SH3RF1: variants seen among roughly 807,000 people sequenced by gnomAD.
SH3RF1 encodes E3 ubiquitin-protein ligase SH3RF1.
A neutral mutation model predicts 74.0 loss-of-function variants in SH3RF1; 32 were observed. That is an observed-to-expected ratio of 0.43 (90% CI 0.33 to 0.58). The LOEUF is 0.58. Among genes scored for constraint, SH3RF1 ranks in the 20% least tolerant of loss-of-function variants. SH3RF1 has a pLI of 0.05. For missense variants in SH3RF1, 954 were observed against 1,130.9 expected (o/e 0.84, Z 2.24); for synonymous variants, 396 against 439.6 (o/e 0.90, Z 1.24).
At chr4:169,261,417 C>T (rs1731276706) in intron 2 of SH3RF1, among the ~76,000 whole-genome samples, 1 of 152,030 alleles carries the variant, frequency 6.6e-6, no homozygotes. Flanking sequence ...ACATGAGGTC[C>T]CAGGGAAAAT....
chr4:169,174,849 A>G (rs546065595), intron 2 of SH3RF1, among the ~76,000 whole-genome samples: 2 of 124,834 alleles, frequency 1.6e-5, no homozygotes, highest in Admixed American at 1.6e-4. Flanking sequence ...AGCGCTAAGA[A>G]CTGTGGATCT....
At chr4:169,133,181 C>T (rs1405683338) in intron 5 of SH3RF1, among the ~76,000 whole-genome samples, 1 of 152,164 alleles carries the variant, frequency 6.6e-6, no homozygotes, top group East Asian at 1.9e-4. Context: ...CTTTGTGGTG[C>T]TATTATGCCA....
At chr4:169,143,440 G>A (rs1733819124) in intron 4 of SH3RF1, among the ~76,000 whole-genome samples, 1 of 152,152 alleles carries the variant, frequency 6.6e-6, no homozygotes. Flanking sequence ...AGCGACATGT[G>A]CATTGGATGG....
At chr4:169,230,608 C>G (rs547986368) in intron 2 of SH3RF1, among the ~76,000 whole-genome samples, 43 of 152,252 alleles carry the variant, frequency 2.8e-4, no homozygotes, top group African/African-American at 1.0e-3. Flanking sequence ...CCTGTATTCC[C>G]ATCACTTTGG....
intron 2 of SH3RF1, among the ~76,000 whole-genome samples, chr4:169,176,266 G>C (rs1262647253): frequency 6.6e-6 from 1 of 152,154 alleles, no homozygotes; most frequent in Admixed American, 6.5e-5. Flanking sequence ...AGCCTGGATG[G>C]ATCTGTCATG....
intron 2 of SH3RF1, chr4:169,204,154 A>C (rs1458791469): frequency 6.6e-6 from 1 of 152,214 alleles, no homozygotes; most frequent in African/African-American, 2.4e-5. Flanking sequence ...AGGTAAACCA[A>C]AACAAACAAA....
chr4:169,123,541 T>C (rs1733476244), intron 6 of SH3RF1, among the ~76,000 whole-genome samples: 1 of 152,104 alleles, frequency 6.6e-6, no homozygotes, highest in African/African-American at 2.4e-5. Flanking sequence ...GCTCAAAAAG[T>C]TGGAACGTCA....
At chr4:169,115,303 G>T (rs986806271) in intron 10 of SH3RF1, among the ~76,000 whole-genome samples, 1 of 152,180 alleles carries the variant, frequency 6.6e-6, no homozygotes, top group Non-Finnish European at 1.5e-5. Context: ...GAACCAGGCC[G>T]CACAGCAGGA....
At chr4:169,148,703 C>T (rs572044958) in intron 4 of SH3RF1, among the ~76,000 whole-genome samples, 1 of 152,164 alleles carries the variant, frequency 6.6e-6, no homozygotes, top group African/African-American at 2.4e-5. Flanking sequence ...TGTAGAAGTT[C>T]AAAGCAAGGA....
chr4:169,174,953 C>T (rs1734393380), intron 2 of SH3RF1, among the ~76,000 whole-genome samples: 1 of 152,184 alleles, frequency 6.6e-6, no homozygotes, highest in Non-Finnish European at 1.5e-5. Flanking sequence ...ATCTAATAGG[C>T]ATCCACAAAT....
intron 11 of SH3RF1, 46 bp downstream of exon 11, chr4:169,106,801 C>A: frequency 7.1e-7 from 1 of 1,407,098 alleles, no homozygotes; most frequent in Non-Finnish European, 9.7e-7. Flanking sequence ...AGCCTAAAGC[C>A]TATTGTTCAT....
intron 8 of SH3RF1, among the ~76,000 whole-genome samples, chr4:169,119,875 G>C (rs1733410534): frequency 6.6e-6 from 1 of 151,964 alleles, no homozygotes; most frequent in Non-Finnish European, 1.5e-5. Context: ...TCAAAAACTA[G>C]GGCTCCCTCA....
chr4:169,149,841 C>G (rs1733948547), intron 4 of SH3RF1, among the ~76,000 whole-genome samples: 1 of 152,178 alleles, frequency 6.6e-6, no homozygotes, highest in African/African-American at 2.4e-5. Flanking sequence ...TTGTGCCCTT[C>G]TGCTATCATT....
At chr4:169,182,924 T>C (rs1473806056) in intron 2 of SH3RF1, among the ~76,000 whole-genome samples, 1 of 151,998 alleles carries the variant, frequency 6.6e-6, no homozygotes, top group Non-Finnish European at 1.5e-5. Flanking sequence ...GTTGAAGACT[T>C]CCCAAAACTA....
rs546085003 is a variant in SH3RF1 at position 169,270,940 on chromosome 4, C to G, written c.-177G>C. 2.2e-3 allele frequency: 335 copies of G among 152,332 alleles called. No homozygotes were observed. Among genetic ancestry groups the G allele is most frequent in the Middle Eastern group, 0.014 (4 of 294 alleles). The allele number at this position is 152,332 out of a possible 1,614,324, so 9.4% of individuals were successfully genotyped here. A position where few individuals can be genotyped will look rare whatever the true frequency, so the allele number is the denominator to read the frequency against. On this transcript the variant is annotated 5_prime_UTR_variant, in exon 1 of 12. Transcript: ENST00000284637. ...TGCAGATGCGGCCCCACCGCGCTCG[C>G]CGCTCGCAGTGTCTCTGACGCCGCG... is the stretch of plus-strand genomic sequence containing the variant.
At chr4:169,101,868 C>T (rs771056188) in intron 11 of SH3RF1, among the ~76,000 whole-genome samples, 3 of 151,718 alleles carry the variant, frequency 2.0e-5, no homozygotes, top group Non-Finnish European at 4.4e-5. Flanking sequence ...GTGATAACTG[C>T]CAAGGTACAA....
At chr4:169,165,814 T>C (rs1442069631) in intron 2 of SH3RF1, among the ~76,000 whole-genome samples, 1 of 152,114 alleles carries the variant, frequency 6.6e-6, no homozygotes, top group East Asian at 1.9e-4. Flanking sequence ...CCTACACACA[T>C]ATAAACAACT....
rs768415461 is a variant in SH3RF1 at position 169,116,635 on chromosome 4, T to C, written c.1778-5A>G. 13 of 1,525,014 alleles carry C rather than the reference T, an allele frequency of 8.5e-6. No homozygotes were observed. Among genetic ancestry groups the C allele is most frequent in the Non-Finnish European group, 1.1e-5 (12 of 1,133,560 alleles). The allele number at this position is 1,525,014 out of a possible 1,614,324, so 94.5% of individuals were successfully genotyped here. A position where few individuals can be genotyped will look rare whatever the true frequency, so the allele number is the denominator to read the frequency against. ...GTTCCTGGTTGTGCGCTGCAACTAG[T>C]AGATGGGAAGAGGGAACACAGCAAA... On this transcript the variant is annotated splice_polypyrimidine_tract_variant and splice_region_variant and intron_variant, in intron 9 of 11. Coordinates refer to ENST00000284637, the MANE Select transcript of SH3RF1 (RefSeq NM_020870.4).
chr4:169,248,758 G>A (rs1731049321), intron 2 of SH3RF1, among the ~76,000 whole-genome samples: 1 of 152,198 alleles, frequency 6.6e-6, no homozygotes, highest in Non-Finnish European at 1.5e-5. Context: ...GGGTGTTTGT[G>A]ACTATTCAGA....
Sources: gnomAD v4.1 joint callset for allele counts (sites outside exome capture counted in the v4.1 genomes callset) on GRCh38, gnomAD v4.1.1 for gene constraint, MANE v1.5 for transcripts, NCBI Gene and HGNC (gene_info 2026-07-23, HGNC 2026-07-21) for gene names.